UST: variants seen among roughly 807,000 people sequenced by gnomAD.
UST encodes the protein uronyl 2-sulfotransferase.
UST carries 21 observed loss-of-function variants against 45.6 expected under a neutral mutation model. The ratio of observed to expected loss-of-function variants is 0.46; its 90% confidence interval spans 0.33 to 0.66. The LOEUF is 0.66. Ranked by LOEUF, UST falls within the 30% of genes least tolerant of loss-of-function variation. The pLI, the probability that UST is intolerant of heterozygous loss-of-function variation, is 0.02. For synonymous variants in UST, 215 were observed against 200.6 expected, an observed-to-expected ratio of 1.07 and a Z score of -0.61; for missense variants, 463 against 512.4, an observed-to-expected ratio of 0.90 and a Z score of 0.93.
At chr6:148,926,391 C>T (rs1481983329) in intron 2 of UST, among the ~76,000 whole-genome samples, 1 of 152,230 alleles carries the variant, frequency 6.6e-6, no homozygotes, top group African/African-American at 2.4e-5. Flanking sequence ...GAAAACCTGA[C>T]AAGAGTGACC....
At position 148,915,581 on chromosome 6, in the gene UST, T is replaced by C. The variant is rs571915370; in HGVS notation, c.292-25698T>C. 7.2e-4 allele frequency among the ~76,000 whole-genome samples: 110 copies of C among 152,304 alleles called. 2 individuals are homozygous for C. The highest frequency in any genetic ancestry group is 1.2e-3 in the Non-Finnish European group (84 of 68,024). ...TCAGGATTCCCACTGTGGGAAGCTG[T>C]CAAAATATTAATAAGGTATTTCAAA... On this transcript the variant is annotated intron_variant, in intron 2 of 7. Transcript: ENST00000367463.
At chr6:148,759,730 C>T (rs2114654656) in intron 1 of UST, among the ~76,000 whole-genome samples, 1 of 150,082 alleles carries the variant, frequency 6.7e-6, no homozygotes, top group South Asian at 2.1e-4. Flanking sequence ...CGCTTGTAGC[C>T]CCAGCTACTC....
Position 148,915,940 on chromosome 6 carries a change from A to G in UST, c.292-25339A>G, listed in dbSNP as rs1329718757. Among the ~76,000 whole-genome samples the G allele has an allele frequency of 3.3e-5, 5 of 152,202 alleles. No individual in the cohort carries two copies. In the East Asian group the frequency reaches 9.6e-4, roughly 29 times the overall value. On this transcript the variant is annotated intron_variant, in intron 2 of 7. Coordinates refer to ENST00000367463, the MANE Select transcript of UST (RefSeq NM_005715.3). ...GCCAGTGGTGGGACATAGATGTTAC[A>G]TAGTTTTCCTCAGTGCTATAAAGAA... is the stretch of plus-strand genomic sequence containing the variant.
intron 5 of UST, among the ~76,000 whole-genome samples, chr6:149,015,617 TG>T (rs1449680483): frequency 1.3e-5 from 2 of 151,312 alleles, no homozygotes; most frequent in Admixed American, 1.3e-4. Flanking sequence ...CCATATTAAA[TG>T]TTTTTTTTTC....
intron 2 of UST, among the ~76,000 whole-genome samples, chr6:148,939,784 A>G (rs1044053409): frequency 2.0e-5 from 3 of 152,208 alleles, no homozygotes; most frequent in African/African-American, 7.2e-5. Context: ...ACATAAATGT[A>G]TATCTTTACG....
At chr6:148,907,421 A>T (rs1180051762) in intron 2 of UST, among the ~76,000 whole-genome samples, 1 of 152,182 alleles carries the variant, frequency 6.6e-6, no homozygotes, top group Non-Finnish European at 1.5e-5. Flanking sequence ...TTGTAGGGAT[A>T]CCACAACACA....
At chr6:149,025,137 T>C (rs1030276740) in intron 7 of UST, among the ~76,000 whole-genome samples, 1 of 152,246 alleles carries the variant, frequency 6.6e-6, no homozygotes, top group African/African-American at 2.4e-5. Flanking sequence ...ATGATATTCA[T>C]TGATTCTTTC....
intron 1 of UST, among the ~76,000 whole-genome samples, chr6:148,788,243 C>A (rs1776772095): frequency 6.6e-6 from 1 of 152,114 alleles, no homozygotes; most frequent in African/African-American, 2.4e-5. Flanking sequence ...AATTGTCTCC[C>A]TCTGGGTCCC....
At position 149,074,272 on chromosome 6, in the gene UST, C is replaced by T. The variant is rs775772610; in HGVS notation, c.*156C>T. ...GGTCATTGGGAGATGCCCGGTTTTG[C>T]GGGTTTTATTTGTTTAATTTTATTC... is the stretch of plus-strand genomic sequence containing the variant. On this transcript the variant is annotated 3_prime_UTR_variant, in exon 8 of 8. Coordinates refer to ENST00000367463, the MANE Select transcript of UST (RefSeq NM_005715.3). 220 of 813,936 alleles carry T rather than the reference C, an allele frequency of 2.7e-4. No homozygotes were observed. Among genetic ancestry groups the T allele is most frequent in the Non-Finnish European group, 3.7e-4 (194 of 531,444 alleles). 50.4% of individuals were successfully genotyped at this position (813,936 alleles called of 1,614,324 possible). A position where few individuals can be genotyped will look rare whatever the true frequency, so the allele number is the denominator to read the frequency against.
chr6:149,048,459 C>G (rs1776425004), intron 7 of UST, among the ~76,000 whole-genome samples: 1 of 151,494 alleles, frequency 6.6e-6, no homozygotes, highest in African/African-American at 2.4e-5. Flanking sequence ...TCGCTTGAAC[C>G]TGGGGGGCAG....
At chr6:148,775,708 AC>A (rs1268917312) in intron 1 of UST, among the ~76,000 whole-genome samples, 2 of 151,800 alleles carry the variant, frequency 1.3e-5, no homozygotes, top group Non-Finnish European at 2.9e-5. Flanking sequence ...GCTCACTGCA[AC>A]CTCTGCTTCC....
intron 2 of UST, among the ~76,000 whole-genome samples, chr6:148,914,733 G>A (rs568769512): frequency 1.3e-5 from 2 of 152,198 alleles, no homozygotes; most frequent in Non-Finnish European, 2.9e-5. Flanking sequence ...AGCCCAGTTC[G>A]TTACAGGCCA....
At chr6:149,048,349 C>G (rs1358320933) in intron 7 of UST, among the ~76,000 whole-genome samples, 1 of 151,940 alleles carries the variant, frequency 6.6e-6, no homozygotes, top group Non-Finnish European at 1.5e-5. Context: ...TCGAGACCAG[C>G]CTGACCAAAA....
At chr6:149,010,909 A>AAAAAAAAAAC (rs1775797758) in intron 5 of UST, among the ~76,000 whole-genome samples, 11 of 149,116 alleles carry the variant, frequency 7.4e-5, no homozygotes, top group African/African-American at 2.7e-4. Flanking sequence ...AAAAAAAAAA[A>AAAAAAAAAAC]AAAAAAAAAA....
At chr6:148,999,197 T>A (rs1184764981) in intron 5 of UST, among the ~76,000 whole-genome samples, 2 of 152,212 alleles carry the variant, frequency 1.3e-5, no homozygotes, top group Non-Finnish European at 2.9e-5. Context: ...ATTCTGGACT[T>A]TACTGGTGAA....
At chr6:148,906,433 GTAAC>G (rs1468677118) in intron 2 of UST, among the ~76,000 whole-genome samples, 1 of 152,180 alleles carries the variant, frequency 6.6e-6, no homozygotes, top group Non-Finnish European at 1.5e-5. Flanking sequence ...GTGGGCAAAA[GTAAC>G]TGATCTGGGC....
chr6:148,911,816 T>C (rs1448869723), intron 2 of UST, among the ~76,000 whole-genome samples: 1 of 152,246 alleles, frequency 6.6e-6, no homozygotes, highest in Non-Finnish European at 1.5e-5. Flanking sequence ...AATTGTCTTA[T>C]TAATTCCATG....
At chr6:148,988,428 G>A (rs1247684145) in intron 5 of UST, among the ~76,000 whole-genome samples, 1 of 151,932 alleles carries the variant, frequency 6.6e-6, no homozygotes, top group Non-Finnish European at 1.5e-5. Context: ...ACAAAAGGTA[G>A]CCCAGCATGG....
chr6:148,947,348 C>G (rs1413424843), intron 3 of UST, among the ~76,000 whole-genome samples: 1 of 152,164 alleles, frequency 6.6e-6, no homozygotes, highest in East Asian at 1.9e-4. Flanking sequence ...ACGATAGGCA[C>G]CAAAATCTGC....
Sources: gnomAD v4.1 joint callset for allele counts (sites outside exome capture counted in the v4.1 genomes callset) on GRCh38, gnomAD v4.1.1 for gene constraint, MANE v1.5 for transcripts, NCBI Gene and HGNC (gene_info 2026-07-23, HGNC 2026-07-21) for gene names.